GARIN1B: variants seen among roughly 807,000 people sequenced by gnomAD.
GARIN1B encodes the protein golgi associated RAB2 interactor 1B.
At chr7:128,731,129 T>C in the GARIN1B span, 4 of 1,608,348 alleles carry the variant, frequency 2.5e-6, no homozygotes, top group African/African-American at 5.3e-5. Flanking sequence ...CCTTCCGCAC[T>C]GGGGAGAATC....
At chr7:128,715,252 C>T in the GARIN1B span, 1 of 1,422,900 alleles carries the variant, frequency 7.0e-7, no homozygotes, top group Non-Finnish European at 9.1e-7. Flanking sequence ...GGCACACAAG[C>T]TCTCTGGAGG....
At chr7:128,712,735 A>G in the GARIN1B span, among the ~76,000 whole-genome samples, 1 of 152,250 alleles carries the variant, frequency 6.6e-6, no homozygotes, top group Non-Finnish European at 1.5e-5. Context: ...AATATTACTG[A>G]ATACACAAGG....
chr7:128,728,572 G>T, the GARIN1B span, among the ~76,000 whole-genome samples: 1 of 152,208 alleles, frequency 6.6e-6, no homozygotes, highest in Non-Finnish European at 1.5e-5. Context: ...AGACAGCAGG[G>T]AGTGGTGGGG....
At chr7:128,709,654 G>T in the GARIN1B span, among the ~76,000 whole-genome samples, 1 of 150,508 alleles carries the variant, frequency 6.6e-6, no homozygotes, top group Non-Finnish European at 1.5e-5. Flanking sequence ...CTGGATGTTT[G>T]TAGTATAATG....
the GARIN1B span, among the ~76,000 whole-genome samples, chr7:128,724,408 C>A: frequency 6.6e-6 from 1 of 152,146 alleles, no homozygotes; most frequent in African/African-American, 2.4e-5. Flanking sequence ...TACTTACCTA[C>A]TCACCCAAGG....
chr7:128,726,330 G>A, the GARIN1B span, among the ~76,000 whole-genome samples: 5 of 152,140 alleles, frequency 3.3e-5, no homozygotes, highest in African/African-American at 7.2e-5. Context: ...AAGAAATGAG[G>A]GGAGGAAGGG....
the GARIN1B span, chr7:128,725,084 C>T: frequency 4.2e-6 from 1 of 240,948 alleles, no homozygotes; most frequent in Admixed American, 5.0e-5. Context: ...TAAGTAAGCT[C>T]TCAATAAGTA....
chr7:128,728,441 T>TAA, the GARIN1B span, among the ~76,000 whole-genome samples: 1 of 149,646 alleles, frequency 6.7e-6, no homozygotes, highest in Admixed American at 6.7e-5. Context: ...GACTCAGACT[T>TAA]AAAAAAAAAA....
chr7:128,716,968 A>G, the GARIN1B span: 1 of 1,612,870 alleles, frequency 6.2e-7, no homozygotes, highest in Non-Finnish European at 8.5e-7. Context: ...GGAACAGACC[A>G]TCCATAGCCC....
chr7:128,714,330 A>G, the GARIN1B span, among the ~76,000 whole-genome samples: 1 of 151,804 alleles, frequency 6.6e-6, no homozygotes, highest in Admixed American at 6.6e-5. Flanking sequence ...TAATCCCAGC[A>G]CTTTGGGAGG....
chr7:128,731,099 G>C, the GARIN1B span: 4 of 1,612,028 alleles, frequency 2.5e-6, no homozygotes, highest in Non-Finnish European at 3.4e-6. Flanking sequence ...TACACTCACA[G>C]GAAATTCTAT....
chr7:128,721,959 G>A, the GARIN1B span, among the ~76,000 whole-genome samples: 8 of 151,760 alleles, frequency 5.3e-5, no homozygotes, highest in African/African-American at 1.7e-4. Context: ...AAATCTGCCT[G>A]GTCACGGTGT....
At chr7:128,729,717 G>A in the GARIN1B span, among the ~76,000 whole-genome samples, 4,030 of 152,288 alleles carry the variant, frequency 0.026, 169 homozygotes, top group African/African-American at 0.092. Context: ...TTCTCCTTGT[G>A]TGACAGTTGG....
At chr7:128,710,058 C>A in the GARIN1B span, among the ~76,000 whole-genome samples, 1 of 152,100 alleles carries the variant, frequency 6.6e-6, no homozygotes, top group Non-Finnish European at 1.5e-5. Flanking sequence ...GCTGGGACTA[C>A]AGTTGCCTGC....
the GARIN1B span, chr7:128,717,056 G>A: frequency 6.8e-7 from 1 of 1,477,156 alleles, no homozygotes; most frequent in East Asian, 2.4e-5. Flanking sequence ...GCAAAGTGGA[G>A]GTTGCTTGAC....
the GARIN1B span, among the ~76,000 whole-genome samples, chr7:128,714,785 G>A: frequency 1.3e-5 from 2 of 152,060 alleles, no homozygotes; most frequent in Non-Finnish European, 2.9e-5. Context: ...GCTGCTCATC[G>A]GGGTTCTATT....
At chr7:128,710,531 G>GT in the GARIN1B span, among the ~76,000 whole-genome samples, 1 of 151,578 alleles carries the variant, frequency 6.6e-6, no homozygotes, top group African/African-American at 2.4e-5. Context: ...CAGCTTTATT[G>GT]TATGATATTT....
chr7:128,729,966 C>A, the GARIN1B span: 1 of 1,614,196 alleles, frequency 6.2e-7, no homozygotes, highest in South Asian at 1.1e-5. Flanking sequence ...GGGCTTCATT[C>A]ACGTACGGAG....
At chr7:128,728,895 A>G in the GARIN1B span, among the ~76,000 whole-genome samples, 1 of 152,258 alleles carries the variant, frequency 6.6e-6, no homozygotes, top group Non-Finnish European at 1.5e-5. Flanking sequence ...GCGACTAATG[A>G]CATGATGGTG....
Sources: gnomAD v4.1 joint callset for allele counts (sites outside exome capture counted in the v4.1 genomes callset) on GRCh38, gnomAD v4.1.1 for gene constraint, MANE v1.5 for transcripts, NCBI Gene and HGNC (gene_info 2026-07-23, HGNC 2026-07-21) for gene names.